Variants in OPRK1 observed in about 807,000 individuals in gnomAD.
The protein encoded by OPRK1 is opioid receptor kappa 1.
Under a neutral mutation model 24.5 loss-of-function variants are expected in OPRK1, and 15 were observed. The observed-to-expected ratio is 0.61, with a 90% CI of 0.41 to 0.94. OPRK1 has a LOEUF of 0.94. Among genes scored for constraint, OPRK1 ranks in the 40% least tolerant of loss-of-function variants. OPRK1 has a pLI of 0.00. For missense variants in OPRK1, 479 were observed against 507.3 expected (o/e 0.94, Z 0.54); for synonymous variants, 205 against 198.0 (o/e 1.04, Z -0.30).
chr8:53,242,013 G>A (rs576153221), intron 2 of OPRK1, among the ~76,000 whole-genome samples: 65 of 152,332 alleles, frequency 4.3e-4, no homozygotes, highest in South Asian at 1.0e-3. Context: ...CGCTTCTCAC[G>A]CCCAACAGCA....
Position 53,251,068 on chromosome 8 carries a change from C to A in OPRK1, c.-31G>T. 6.8e-7 allele frequency: 1 copy of A among 1,466,266 alleles called. No homozygotes were observed. The highest frequency in any genetic ancestry group is 2.6e-5 in the Admixed American group (1 of 37,902). The allele number at this position is 1,466,266 out of a possible 1,614,324, so 90.8% of individuals were successfully genotyped here. A position where few individuals can be genotyped will look rare whatever the true frequency, so the allele number is the denominator to read the frequency against. ...GGCGATTGCAGCAGGAAGGCGAGGA[C>A]AGGCGGCACCTGCGGCGCTGCGGGA... On this transcript the variant is annotated 5_prime_UTR_variant, in exon 2 of 4. Coordinates refer to ENST00000265572, the MANE Select transcript of OPRK1 (RefSeq NM_000912.5).
chr8:53,228,200 A>T lies in OPRK1; in HGVS notation c.*1097T>A, dbSNP rs1018458478. 3 of 152,120 alleles carry T rather than the reference A, an allele frequency of 2.0e-5. No homozygotes were observed. The highest frequency in any genetic ancestry group is 7.2e-5 in the African/African-American group (3 of 41,436). 9.4% of individuals were successfully genotyped at this position (152,120 alleles called of 1,614,324 possible). ...ACCTTGAGATCTACAGAAGCAAAACACCTTCCTCTCCGTGAATAGAGAGAT... is the reference window on the plus strand; with the variant it reads ...ACCTTGAGATCTACAGAAGCAAAACTCCTTCCTCTCCGTGAATAGAGAGAT... On this transcript the variant is annotated 3_prime_UTR_variant, in exon 4 of 4. Transcript: ENST00000265572.
At chr8:53,235,567 G>A (rs1351199705) in intron 2 of OPRK1, among the ~76,000 whole-genome samples, 1 of 151,334 alleles carries the variant, frequency 6.6e-6, no homozygotes, top group Non-Finnish European at 1.5e-5. Context: ...GATGTATTTT[G>A]AAAATACAAA....
intron 2 of OPRK1, among the ~76,000 whole-genome samples, chr8:53,245,679 C>G (rs1164223581): frequency 6.6e-6 from 1 of 152,110 alleles, no homozygotes; most frequent in Non-Finnish European, 1.5e-5. Flanking sequence ...TATGGCCACA[C>G]AAATGGATGA....
chr8:53,244,899 C>T (rs1240532110), intron 2 of OPRK1, among the ~76,000 whole-genome samples: 1 of 152,106 alleles, frequency 6.6e-6, no homozygotes, highest in Non-Finnish European at 1.5e-5. Flanking sequence ...GGAGTGGTTC[C>T]AGGATGCCCC....
Position 53,250,890 on chromosome 8 carries a change from C to T in OPRK1, c.148G>A (p.Glu50Lys), listed in dbSNP as rs764675936. The T allele has an allele frequency of 6.2e-7, 1 of 1,612,502 alleles. No homozygotes were observed. The highest frequency in any genetic ancestry group is 1.7e-5 in the Admixed American group (1 of 59,974). The change falls in exon 2 of 4, where the codon GAG becomes AAG. Residue 50 changes from glutamate (E) to lysine (K), a missense_variant. By Grantham distance (56) the Glu-to-Lys change is moderately conservative. Coordinates refer to ENST00000265572, the MANE Select transcript of OPRK1 (RefSeq NM_000912.5). Reference protein sequence around the residue: ...GSAGSEDAQLEPAHISPAIPV... With the variant: ...GSAGSEDAQLKPAHISPAIPV... Reference sequence around the variant, plus strand: ...ATGGCCGGGGAGATGTGCGCGGGCTCCAGCTGCGCGTCCTCCGAGCCGGCG... The same window carrying T: ...ATGGCCGGGGAGATGTGCGCGGGCTTCAGCTGCGCGTCCTCCGAGCCGGCG...
intron 3 of OPRK1, among the ~76,000 whole-genome samples, chr8:53,230,361 T>A (rs773311587): frequency 6.6e-6 from 1 of 152,154 alleles, no homozygotes; most frequent in South Asian, 2.1e-4. Flanking sequence ...AAAATTGATA[T>A]GGAATTTGTT....
At position 53,234,972 on chromosome 8, in the gene OPRK1, T is replaced by A. The variant is rs201714536; in HGVS notation, c.397A>T (p.Ile133Leu). 4.2e-5 allele frequency: 68 copies of A among 1,614,076 alleles called. No homozygotes were observed. The highest frequency in any genetic ancestry group is 5.3e-5 in the Non-Finnish European group (62 of 1,180,050). ...TTGTAGTAATCAATGGAAATTACTA[T>A]CTTGCACAGCACATCCCCAAAAGGC... ...SWPFGDVLCK[I>L]VISIDYYNMF... is the part of the protein sequence containing the mutation. Residue 133 changes from isoleucine to leucine, a missense_variant, in exon 3 of 4, where the codon ATA becomes TTA. By Grantham distance (5) the Ile-to-Leu change is conservative. Coordinates refer to ENST00000265572, the MANE Select transcript of OPRK1 (RefSeq NM_000912.5).
At chr8:53,249,462 C>T (rs1807315207) in intron 2 of OPRK1, among the ~76,000 whole-genome samples, 1 of 152,108 alleles carries the variant, frequency 6.6e-6, no homozygotes, top group Admixed American at 6.5e-5. Context: ...CTTTACTCAT[C>T]ATGGATAGAA....
chr8:53,240,422 T>C (rs6473797), intron 2 of OPRK1, among the ~76,000 whole-genome samples: 58,097 of 152,064 alleles, frequency 0.38, 13,273 homozygotes, highest in African/African-American at 0.64. Flanking sequence ...TCAAATGCCA[T>C]GGACCCACAG....
chr8:53,246,135 G>A (rs960447559), intron 2 of OPRK1, among the ~76,000 whole-genome samples: 1 of 152,182 alleles, frequency 6.6e-6, no homozygotes, highest in Non-Finnish European at 1.5e-5. Flanking sequence ...AACCTCAGAG[G>A]AAGGGCAATC....
intron 2 of OPRK1, among the ~76,000 whole-genome samples, chr8:53,241,162 T>C (rs1252157324): frequency 6.6e-6 from 1 of 152,148 alleles, no homozygotes; most frequent in Non-Finnish European, 1.5e-5. Flanking sequence ...TTCCCTTCCA[T>C]TTTTCTGTGA....
chr8:53,229,108 C>A lies in OPRK1; in HGVS notation c.*189G>T, dbSNP rs200631270. 7.9e-6 allele frequency: 5 copies of A among 630,750 alleles called. No homozygotes were observed. The highest frequency in any genetic ancestry group is 6.3e-5 in the Admixed American group (2 of 31,934). 39.1% of individuals were successfully genotyped at this position (630,750 alleles called of 1,614,324 possible). A position where few individuals can be genotyped will look rare whatever the true frequency, so the allele number is the denominator to read the frequency against. Reference sequence around the variant, plus strand: ...GAAGAGGTGCATGTGTTGCGTGGACCTTTTGTCCTTGATGTTTCCACTGAT... The same window carrying A: ...GAAGAGGTGCATGTGTTGCGTGGACATTTTGTCCTTGATGTTTCCACTGAT... On this transcript the variant is annotated 3_prime_UTR_variant, in exon 4 of 4. Transcript: ENST00000265572.
chr8:53,244,405 C>G (rs1291591391), intron 2 of OPRK1, among the ~76,000 whole-genome samples: 1 of 152,198 alleles, frequency 6.6e-6, no homozygotes, highest in Non-Finnish European at 1.5e-5. Context: ...GGAAATGTAA[C>G]CATTTCCATA....
chr8:53,250,659 T>A (rs571419713), intron 2 of OPRK1, 122 bp downstream of exon 2: 5 of 1,032,884 alleles, frequency 4.8e-6, no homozygotes, highest in Non-Finnish European at 6.9e-6. Flanking sequence ...ATTTCCAGGA[T>A]CCTTCACGGA....
rs566224359 is a variant in OPRK1, at chr8:53,228,947, C to T, written c.*350G>A. The T allele has an allele frequency of 7.4e-5, 13 of 176,648 alleles. No individual in the cohort carries two copies. The highest frequency in any genetic ancestry group is 3.5e-4 in the Admixed American group (6 of 17,196). 10.9% of individuals were successfully genotyped at this position (176,648 alleles called of 1,614,324 possible). ...TTTTTCTTTTCCTTTTTTCTTAAACCGAGCTTTTGAAACTACGTTTCATAG... is the reference window on the plus strand; with the variant it reads ...TTTTTCTTTTCCTTTTTTCTTAAACTGAGCTTTTGAAACTACGTTTCATAG... On this transcript the variant is annotated 3_prime_UTR_variant, in exon 4 of 4. Transcript: ENST00000265572.
intron 2 of OPRK1, among the ~76,000 whole-genome samples, chr8:53,243,507 TTC>T (rs1293055245): frequency 2.0e-5 from 3 of 152,212 alleles, no homozygotes; most frequent in Non-Finnish European, 4.4e-5. Flanking sequence ...CCCAATTGGT[TTC>T]TCGCATTCTC....
At chr8:53,230,840 T>C (rs531000915) in intron 3 of OPRK1, among the ~76,000 whole-genome samples, 1 of 152,268 alleles carries the variant, frequency 6.6e-6, no homozygotes, top group African/African-American at 2.4e-5. Context: ...AGCAACACCA[T>C]GAGCGTGATT....
Position 53,229,243 on chromosome 8 carries a change from A to G in OPRK1, c.*54T>C. On this transcript the variant is annotated 3_prime_UTR_variant, in exon 4 of 4. Coordinates refer to ENST00000265572, the MANE Select transcript of OPRK1 (RefSeq NM_000912.5). ...CAGTAGTGATCTGAGTTAAACCTAG[A>G]TCATTGAACTCCTCTCTTCCCGAAG... 1 of 1,552,424 alleles carries G rather than the reference A, an allele frequency of 6.4e-7. No homozygotes were observed. Among genetic ancestry groups the G allele is most frequent in the Non-Finnish European group, 8.7e-7 (1 of 1,146,478 alleles).
Sources: allele counts gnomAD v4.1 joint callset (sites outside exome capture counted in the v4.1 genomes callset), GRCh38; gene constraint gnomAD v4.1.1; transcripts MANE v1.5; gene names NCBI Gene and HGNC (gene_info 2026-07-23, HGNC 2026-07-21).